SPAG9: variants seen among roughly 807,000 people sequenced by gnomAD.
SPAG9 encodes sperm associated antigen 9, also known as C-Jun-amino-terminal kinase-interacting protein 4.
In SPAG9, 35 loss-of-function variants were observed where a neutral mutation model predicts 166.5. That is an observed-to-expected ratio of 0.21 (90% confidence interval 0.16 to 0.28). SPAG9 has a LOEUF of 0.28. SPAG9 is among the 10% of genes least tolerant of loss of function. The pLI is 1.00. For missense variants in SPAG9, 1,235 were observed against 1,603.3 expected (o/e 0.77, Z 3.92); for synonymous variants, 534 against 565.5 (o/e 0.94, Z 0.79).
intron 2 of SPAG9, among the ~76,000 whole-genome samples, chr17:51,066,095 G>A (rs949749429): frequency 2.0e-5 from 3 of 151,128 alleles, no homozygotes; most frequent in Non-Finnish European, 4.4e-5. Flanking sequence ...TCAAAGGTAT[G>A]TTACCCCATT....
chr17:51,049,723 AG>A (rs2047130059), intron 3 of SPAG9, among the ~76,000 whole-genome samples: 2 of 152,042 alleles, frequency 1.3e-5, no homozygotes, highest in African/African-American at 4.8e-5. Flanking sequence ...CTGCCTCCCA[AG>A]TAGCTGGGTA....
At chr17:50,973,326 T>C (rs1280610394) in intron 28 of SPAG9, among the ~76,000 whole-genome samples, 1 of 152,096 alleles carries the variant, frequency 6.6e-6, no homozygotes, top group Admixed American at 6.6e-5. Context: ...GAGAATGGGA[T>C]TGGAGAGGGA....
chr17:50,968,704 C>T (rs1973542441), intron 29 of SPAG9, among the ~76,000 whole-genome samples: 1 of 152,018 alleles, frequency 6.6e-6, no homozygotes, highest in Non-Finnish European at 1.5e-5. Context: ...GCACTCCAGC[C>T]TGGGTGACAG....
intron 10 of SPAG9, among the ~76,000 whole-genome samples, chr17:51,006,608 A>G (rs1322416423): frequency 6.6e-6 from 1 of 152,248 alleles, no homozygotes; most frequent in East Asian, 1.9e-4. Context: ...TTTAAACTGG[A>G]AAGTTAAGAC....
At chr17:51,025,854 T>C (rs1437858786) in intron 6 of SPAG9, among the ~76,000 whole-genome samples, 1 of 152,210 alleles carries the variant, frequency 6.6e-6, no homozygotes, top group Non-Finnish European at 1.5e-5. Context: ...ATTGCACCCA[T>C]GTTATCATGT....
chr17:51,074,153 G>A (rs548014551), intron 2 of SPAG9, among the ~76,000 whole-genome samples: 2 of 150,614 alleles, frequency 1.3e-5, no homozygotes, highest in Non-Finnish European at 3.0e-5. Flanking sequence ...GGAGAATGGC[G>A]TGAACCCGGG....
chr17:50,966,292 C>T lies in SPAG9; in HGVS notation c.3946G>A (p.Val1316Met), dbSNP rs1175535972. The change falls in exon 30 of 30, where the codon GTG becomes ATG. Residue 1316 changes from valine to methionine, a missense_variant. Transcript: ENST00000262013. ...AERSHLIVWQ[V>M]MYGNE ...TGGGCTCACTCATTGCCATACATCACTTGCCACACTATCAAGTGACTCCTT... is the reference window on the plus strand; with the variant it reads ...TGGGCTCACTCATTGCCATACATCATTTGCCACACTATCAAGTGACTCCTT... 13 of 1,612,404 alleles carry T rather than the reference C, an allele frequency of 8.1e-6. No homozygotes were observed. Among genetic ancestry groups the T allele is most frequent in the African/African-American group, 4.0e-5 (3 of 74,860 alleles).
At chr17:51,050,567 T>C (rs2047151303) in intron 3 of SPAG9, among the ~76,000 whole-genome samples, 2 of 152,232 alleles carry the variant, frequency 1.3e-5, no homozygotes, top group South Asian at 4.1e-4. Context: ...CATTGTCCTT[T>C]CTTCCTCATA....
intron 1 of SPAG9, among the ~76,000 whole-genome samples, chr17:51,096,793 G>GT (rs2048661378): frequency 6.6e-6 from 1 of 152,222 alleles, no homozygotes; most frequent in South Asian, 2.1e-4. Flanking sequence ...ATATAAGAAT[G>GT]TAACAGTGTG....
At chr17:51,004,717 G>A (rs962567281) in intron 12 of SPAG9, among the ~76,000 whole-genome samples, 1 of 152,022 alleles carries the variant, frequency 6.6e-6, no homozygotes, top group Non-Finnish European at 1.5e-5. Context: ...GTGACAGACT[G>A]AGACTCTGTC....
chr17:51,064,054 CT>C, intron 2 of SPAG9, among the ~76,000 whole-genome samples: 1 of 152,312 alleles, frequency 6.6e-6, no homozygotes, highest in Non-Finnish European at 1.5e-5. Context: ...TTCCATCTTC[CT>C]CTCCACTCCA....
chr17:51,098,491 CTTATTTAT>C (rs1030821968), intron 1 of SPAG9, among the ~76,000 whole-genome samples: 1 of 151,800 alleles, frequency 6.6e-6, no homozygotes, highest in Admixed American at 6.6e-5. Flanking sequence ...TGGGTTTTTA[CTTATTTAT>C]TTATTTATTT....
At position 50,984,986 on chromosome 17, in the gene SPAG9, C is replaced by T. The variant is rs1337204461; in HGVS notation, c.3025G>A (p.Val1009Met). The T allele has an allele frequency of 1.4e-5, 22 of 1,613,978 alleles. No homozygotes were observed. Among genetic ancestry groups the T allele is most frequent in the African/African-American group, 1.1e-4 (8 of 74,906 alleles). Residue 1009 changes from valine (V) to methionine (M), a missense_variant, in exon 24 of 30, where the codon GTG (valine) becomes ATG (methionine). This residue lies in a region of SPAG9 where 493 missense variants were observed against 559.4 expected (regional missense o/e 0.88). Transcript: ENST00000262013. ...LKDSILSIVH[V>M]KGIVLVALAD... is the part of the protein sequence containing the mutation. Reference sequence around the variant, plus strand: ...AGGGCTACTAACACGATTCCCTTCACGTGTCTGCAAACAGGAAAGGGGAGT... The same window carrying T: ...AGGGCTACTAACACGATTCCCTTCATGTGTCTGCAAACAGGAAAGGGGAGT...
chr17:51,087,990 C>T (rs2048346733), intron 1 of SPAG9, among the ~76,000 whole-genome samples: 1 of 152,210 alleles, frequency 6.6e-6, no homozygotes, highest in Non-Finnish European at 1.5e-5. Context: ...AGCGATCCTC[C>T]TGCCTCAGCC....
At chr17:50,992,531 T>C (rs1327226914) in intron 19 of SPAG9, among the ~76,000 whole-genome samples, 1 of 151,586 alleles carries the variant, frequency 6.6e-6, no homozygotes, top group Non-Finnish European at 1.5e-5. Flanking sequence ...CTTAGCCAGG[T>C]GTGGTAGTGT....
chr17:51,120,476 G>A lies in SPAG9; in HGVS notation c.181C>T (p.Leu61=). The A allele has an allele frequency of 3.1e-6, 5 of 1,614,016 alleles. No homozygotes were observed. The highest frequency in any genetic ancestry group is 1.3e-5 in the African/African-American group (1 of 75,050). ...TGGTCCTGCGCGAACACCGAGTCCA[G>A]GTTCTCCAGCACAGCCACCACCAGC... The part of the protein sequence containing the change: ...MPLVVAVLEN[L]DSVFAQDQEH... Residue 61 remains leucine, a synonymous_variant, in exon 1 of 30, where the codon CTG becomes TTG. Transcript: ENST00000262013. The surrounding 1 kb of genome is among the most constrained non-coding windows in gnomAD (Gnocchi z 4.7).
intron 4 of SPAG9, among the ~76,000 whole-genome samples, chr17:51,042,069 T>A (rs942303020): frequency 6.6e-6 from 1 of 152,172 alleles, no homozygotes; most frequent in Non-Finnish European, 1.5e-5. Context: ...AATCCCTGGA[T>A]GTTTACTGAA....
Position 50,974,851 on chromosome 17 carries a change from A to G in SPAG9, c.3620T>C (p.Ile1207Thr). ...TGCATGTGCCATTGAACAATAGGGT[A>G]TAAATGTCCCTGGAGTCACTTTATC... ...NSDKVTPGTF[I>T]PYCSMAHAQL... is the part of the protein sequence containing the mutation. The change falls in exon 28 of 30, where the codon ATA becomes ACA. Residue 1207 changes from isoleucine (I) to threonine (T), a missense_variant. This residue lies in a region of SPAG9 where 243 missense variants were observed against 358.6 expected (regional missense o/e 0.68). Coordinates refer to ENST00000262013, the MANE Select transcript of SPAG9 (RefSeq NM_001130528.3). The G allele has an allele frequency of 6.2e-7, 1 of 1,612,344 alleles. No homozygotes were observed. The highest frequency in any genetic ancestry group is 8.5e-7 in the Non-Finnish European group (1 of 1,179,672).
intron 2 of SPAG9, among the ~76,000 whole-genome samples, chr17:51,065,633 T>G (rs1295927885): frequency 6.6e-6 from 1 of 152,194 alleles, no homozygotes; most frequent in Non-Finnish European, 1.5e-5. Flanking sequence ...ACTAAGGCTG[T>G]TAAGCTGAGG....
Sources: gnomAD v4.1 joint callset for allele counts (sites outside exome capture counted in the v4.1 genomes callset) on GRCh38, gnomAD v4.1.1 for gene constraint, gnomAD v4.1.1 regional missense constraint, Gnocchi (gnomAD v3.1) non-coding constraint, MANE v1.5 for transcripts, NCBI Gene and HGNC (gene_info 2026-07-23, HGNC 2026-07-21) for gene names.